The following IGF1 variants were observed in gnomAD, a reference collection of about 807,000 sequenced individuals.
IGF1 encodes insulin-like growth factor 1.
Under a neutral mutation model 13.8 loss-of-function variants are expected in IGF1, and 4 were observed. The observed-to-expected ratio is 0.29, with a 90% confidence interval of 0.14 to 0.66. IGF1 has a LOEUF of 0.66. Among genes scored for constraint, IGF1 ranks in the 30% least tolerant of loss-of-function variants. The pLI, the probability that IGF1 is intolerant of heterozygous loss-of-function variation, is 0.78. For synonymous variants in IGF1, 76 were observed against 72.6 expected, an observed-to-expected ratio of 1.05 and a Z score of -0.23; for missense variants, 124 against 188.5, an observed-to-expected ratio of 0.66 and a Z score of 2.00.
chr12:102,478,641 G>C, intron 1 of IGF1: 1 of 1,448,594 alleles, frequency 6.9e-7, no homozygotes, highest in Non-Finnish European at 9.1e-7. Flanking sequence ...TGGACACCCA[G>C]GCAGGTATGC....
At chr12:102,456,060 C>T (rs1879361532) in intron 2 of IGF1, among the ~76,000 whole-genome samples, 1 of 152,096 alleles carries the variant, frequency 6.6e-6, no homozygotes, top group Non-Finnish European at 1.5e-5. Flanking sequence ...GCTAAGGAAC[C>T]ATATGTACAT....
Position 102,397,542 on chromosome 12 carries a change from A to T in IGF1, c.*4965T>A, listed in dbSNP as rs946642309. 2.0e-5 allele frequency: 3 copies of T among 152,244 alleles called. No homozygotes were observed. Among genetic ancestry groups the T allele is most frequent in the African/African-American group, 7.2e-5 (3 of 41,474 alleles). The allele number at this position is 152,244 out of a possible 1,614,324, so 9.4% of individuals were successfully genotyped here. A position where few individuals can be genotyped will look rare whatever the true frequency, so the allele number is the denominator to read the frequency against. ...AATTACACAAAAAAGATATCTATGTATCACTTTCTAATACCTAACAGGAAG... is the reference window on the plus strand; with the variant it reads ...AATTACACAAAAAAGATATCTATGTTTCACTTTCTAATACCTAACAGGAAG... On this transcript the variant is annotated 3_prime_UTR_variant, in exon 4 of 4. Coordinates refer to ENST00000337514, the MANE Select transcript of IGF1 (RefSeq NM_000618.5).
intron 2 of IGF1, among the ~76,000 whole-genome samples, chr12:102,441,915 C>CTTCCTCTT (rs1555244052): frequency 8.2e-6 from 1 of 122,140 alleles, no homozygotes; most frequent in African/African-American, 3.1e-5. Flanking sequence ...TGCTTCTTCT[C>CTTCCTCTT]CTTCTTCTTC....
intron 2 of IGF1, among the ~76,000 whole-genome samples, chr12:102,450,816 C>T (rs562489879): frequency 3.4e-4 from 51 of 152,082 alleles, no homozygotes; most frequent in African/African-American, 1.0e-3. Flanking sequence ...ATACTTTGGG[C>T]GGGTTTTCAG....
At chr12:102,479,334 G>A (rs1324090054) in intron 1 of IGF1, among the ~76,000 whole-genome samples, 1 of 152,138 alleles carries the variant, frequency 6.6e-6, no homozygotes, top group Non-Finnish European at 1.5e-5. Flanking sequence ...TGGCAGAGAC[G>A]TCTTATGAAT....
At chr12:102,452,945 T>G (rs2137158918) in intron 2 of IGF1, among the ~76,000 whole-genome samples, 1 of 152,252 alleles carries the variant, frequency 6.6e-6, no homozygotes, top group Admixed American at 6.5e-5. Flanking sequence ...TTGCACCCTG[T>G]GAAAACTTGT....
intron 1 of IGF1, 22 bp from the exon 2 acceptor site, chr12:102,475,821 G>C: frequency 6.2e-7 from 1 of 1,604,078 alleles, no homozygotes; most frequent in Non-Finnish European, 8.5e-7. Context: ...ACAGAGGGAG[G>C]GTCAGGTTTC....
At chr12:102,454,787 T>C (rs1206987243) in intron 2 of IGF1, among the ~76,000 whole-genome samples, 1 of 152,160 alleles carries the variant, frequency 6.6e-6, no homozygotes, top group African/African-American at 2.4e-5. Context: ...CCCCAAATAT[T>C]TGGGAATGCA....
In IGF1 at chr12:102,396,845, C is replaced by T. The variant is rs1873230874; in HGVS notation, c.*5662G>A. ...TTTTTTTCCCCTTGAAAGACCCCAT[C>T]AAAGATAGTTGAAGAATGAGGAGAG... On this transcript the variant is annotated 3_prime_UTR_variant, in exon 4 of 4. Coordinates refer to ENST00000337514, the MANE Select transcript of IGF1 (RefSeq NM_000618.5). 2.5e-6 allele frequency: 1 copy of T among 396,862 alleles called. No homozygotes were observed. Among genetic ancestry groups the T allele is most frequent in the Admixed American group, 4.4e-5 (1 of 22,570 alleles). 24.6% of individuals were successfully genotyped at this position (396,862 alleles called of 1,614,324 possible).
intron 2 of IGF1, among the ~76,000 whole-genome samples, chr12:102,457,531 A>G (rs1195271695): frequency 6.6e-6 from 1 of 152,234 alleles, no homozygotes; most frequent in Non-Finnish European, 1.5e-5. Flanking sequence ...CTCAGTCTAT[A>G]GAACACAACC....
chr12:102,471,007 A>G (rs1880651807), intron 2 of IGF1, among the ~76,000 whole-genome samples: 1 of 152,202 alleles, frequency 6.6e-6, no homozygotes, highest in African/African-American at 2.4e-5. Flanking sequence ...TGTTTTCATG[A>G]AGCGTGTGCT....
chr12:102,463,530 G>A (rs1266905816), intron 2 of IGF1: 1 of 152,142 alleles, frequency 6.6e-6, no homozygotes, highest in Non-Finnish European at 1.5e-5. Flanking sequence ...CAAACTACTA[G>A]GGTTTATTAA....
chr12:102,423,951 C>G (rs1013627236), intron 2 of IGF1, among the ~76,000 whole-genome samples: 1 of 152,122 alleles, frequency 6.6e-6, no homozygotes, highest in Admixed American at 6.5e-5. Context: ...GTTTGTGTTT[C>G]TTATAGATTT....
chr12:102,420,617 C>T (rs1283358309), intron 2 of IGF1, among the ~76,000 whole-genome samples: 1 of 152,074 alleles, frequency 6.6e-6, no homozygotes, highest in East Asian at 1.9e-4. Context: ...TCTAGTAGGG[C>T]TCCCTCTCTT....
chr12:102,437,853 A>T (rs1301983494), intron 2 of IGF1, among the ~76,000 whole-genome samples: 1 of 152,256 alleles, frequency 6.6e-6, no homozygotes, highest in Admixed American at 6.5e-5. Flanking sequence ...TACACAATGT[A>T]TGCATGTATC....
chr12:102,458,839 T>C (rs78974397), intron 2 of IGF1, among the ~76,000 whole-genome samples: 5,249 of 149,712 alleles, frequency 0.035, 116 homozygotes, highest in African/African-American at 0.045. Context: ...ACAGAGGAGG[T>C]GACATTTGAG....
At chr12:102,440,964 C>T (rs1399560782) in intron 2 of IGF1, among the ~76,000 whole-genome samples, 3 of 152,148 alleles carry the variant, frequency 2.0e-5, no homozygotes, top group African/African-American at 7.2e-5. Context: ...TTTTGAGACT[C>T]TAAAATGGCA....
chr12:102,471,788 C>T (rs2137254226), intron 2 of IGF1, among the ~76,000 whole-genome samples: 1 of 152,084 alleles, frequency 6.6e-6, no homozygotes. Flanking sequence ...CAGAAACTCT[C>T]TTTCTTTCAG....
intron 3 of IGF1, chr12:102,415,568 T>TTCCTTCCTTCCTTCCG (rs1565966786): frequency 2.1e-5 from 3 of 143,238 alleles, no homozygotes; most frequent in African/African-American, 7.9e-5. Context: ...CCTTCCTTCC[T>TTCCTTCCTTCCTTCCG]TCCTTCCTTC....
Sources: allele counts gnomAD v4.1 joint callset (sites outside exome capture counted in the v4.1 genomes callset), GRCh38; gene constraint gnomAD v4.1.1; transcripts MANE v1.5; gene names NCBI Gene and HGNC (gene_info 2026-07-23, HGNC 2026-07-21).